Variants in FRYL observed in about 807,000 individuals in gnomAD.
FRYL encodes protein furry homolog-like.
FRYL carries 150 observed loss-of-function variants against 351.2 expected under a neutral mutation model. The ratio of observed to expected loss-of-function variants is 0.43; its 90% CI spans 0.37 to 0.49. The LOEUF is 0.49. Ranked by LOEUF, FRYL falls within the 20% of genes least tolerant of loss-of-function variation. FRYL has a pLI of 0.00. For synonymous variants in FRYL, 1,153 were observed against 1,257.1 expected (o/e 0.92, Z 1.75); for missense variants, 3,036 against 3,619.3 (o/e 0.84, Z 4.13).
At chr4:48,631,171 T>G (rs1274019520) in intron 4 of FRYL, among the ~76,000 whole-genome samples, 1 of 152,098 alleles carries the variant, frequency 6.6e-6, no homozygotes, top group Non-Finnish European at 1.5e-5. Flanking sequence ...GTGTAAGGGG[T>G]AAAATCTGTA....
intron 4 of FRYL, among the ~76,000 whole-genome samples, chr4:48,627,649 AGAAAACAT>A (rs1207165505): frequency 5.3e-5 from 8 of 152,244 alleles, no homozygotes; most frequent in African/African-American, 1.9e-4. Flanking sequence ...ACAGAAAAAC[AGAAAACAT>A]GAAAAGATAT....
rs770285040 is a variant in FRYL at position 48,540,749 on chromosome 4, T to C, written c.5899A>G (p.Ile1967Val). The C allele has an allele frequency of 6.2e-7, 1 of 1,614,044 alleles. No individual in the cohort carries two copies. Among genetic ancestry groups the C allele is most frequent in the Non-Finnish European group, 8.5e-7 (1 of 1,179,932 alleles). ...CTTGCTAAACTACTGCTATGGTTTATCCGTCCATCCATTATATCCAGTGTG... is the reference window on the plus strand; with the variant it reads ...CTTGCTAAACTACTGCTATGGTTTACCCGTCCATCCATTATATCCAGTGTG... ...SNTLDIMDGR[I>V]NHSSSLARTR... The change falls in exon 46 of 64, where the codon ATA becomes GTA. Residue 1967 changes from isoleucine (I) to valine (V), a missense_variant. Transcript: ENST00000358350.
intron 3 of FRYL, among the ~76,000 whole-genome samples, chr4:48,635,300 T>C (rs1754001437): frequency 1.3e-5 from 2 of 152,182 alleles, no homozygotes; most frequent in South Asian, 4.2e-4. Flanking sequence ...GGAGAATGGA[T>C]TGAAAGAGGG....
In FRYL at chr4:48,515,092, A is replaced by T; in HGVS notation, c.7873T>A (p.Leu2625Ile). 1 of 1,613,282 alleles carries T rather than the reference A, an allele frequency of 6.2e-7. No homozygotes were observed. Among genetic ancestry groups the T allele is most frequent in the South Asian group, 1.1e-5 (1 of 91,068 alleles). ...PESVCEEDVTLALKELDERCE... is the reference protein window; with the variant it reads ...PESVCEEDVTIALKELDERCE... ...CTTTCATCTAGCTCTTTCAGAGCTA[A>T]GGTAACATCCTCTTCACAGACTGAC... The change falls in exon 56 of 64, where the codon TTA becomes ATA. Residue 2625 changes from leucine to isoleucine, a missense_variant. Physicochemically the swap from Leu to Ile is conservative, Grantham distance 5. Around this residue, in one of 7 missense-constraint regions of FRYL, gnomAD observed 1,987 missense variants for 2,311.7 expected, o/e 0.86. Coordinates refer to ENST00000358350, the MANE Select transcript of FRYL (RefSeq NM_015030.2).
chr4:48,706,148 T>A lies in FRYL; in HGVS notation c.-204+4371A>T, dbSNP rs552244402. ...GCGCCTGGCCTCACCTCCCTTTTAGTGTAGACTGAATTGAAAGACTTGATT... is the reference window on the plus strand; with the variant it reads ...GCGCCTGGCCTCACCTCCCTTTTAGAGTAGACTGAATTGAAAGACTTGATT... On this transcript the variant is annotated intron_variant, in intron 2 of 63. Coordinates refer to ENST00000358350, the MANE Select transcript of FRYL (RefSeq NM_015030.2). Among the ~76,000 whole-genome samples the A allele has an allele frequency of 6.6e-5, 10 of 152,212 alleles. 1 individual carries two copies. Among genetic ancestry groups the A allele is most frequent in the Non-Finnish European group, 1.0e-4 (7 of 68,040 alleles).
intron 49 of FRYL, among the ~76,000 whole-genome samples, chr4:48,533,641 G>A (rs1426266607): frequency 1.3e-5 from 2 of 152,170 alleles, no homozygotes; most frequent in Non-Finnish European, 2.9e-5. Flanking sequence ...TCTTTGGTGA[G>A]TTGTATCCAT....
chr4:48,605,428 A>G (rs1202990479), intron 11 of FRYL, among the ~76,000 whole-genome samples: 1 of 152,214 alleles, frequency 6.6e-6, no homozygotes, highest in African/African-American at 2.4e-5. Flanking sequence ...ACATTTCTTC[A>G]TTTTTGAGAT....
intron 21 of FRYL, among the ~76,000 whole-genome samples, chr4:48,581,169 G>C (rs908899984): frequency 6.6e-6 from 1 of 151,552 alleles, no homozygotes; most frequent in African/African-American, 2.4e-5. Context: ...AGCCTCCCGA[G>C]TAGCTGGACT....
chr4:48,656,062 T>C (rs552026124), intron 3 of FRYL, among the ~76,000 whole-genome samples: 12 of 137,082 alleles, frequency 8.8e-5, no homozygotes, highest in African/African-American at 2.9e-4. Context: ...CATATAATTA[T>C]ACATTATATA....
At chr4:48,767,158 G>C (rs1457235848) in intron 1 of FRYL, among the ~76,000 whole-genome samples, 3 of 152,026 alleles carry the variant, frequency 2.0e-5, no homozygotes, top group Non-Finnish European at 4.4e-5. Context: ...AAGCTGTACA[G>C]GTTTCTGCTT....
rs1275397583 is a variant in FRYL, at chr4:48,510,702, G to C, written c.8295+133C>G. ...ACCTAATATACTAGAATTGTAGTTT[G>C]CCACATATTTATAATCATGTTGAAA... On this transcript the variant is annotated intron_variant, in intron 58 of 63. Transcript: ENST00000358350. The C allele has an allele frequency of 4.1e-6, 3 of 727,022 alleles. No individual in the cohort carries two copies. In the East Asian group the frequency reaches 7.9e-5, roughly 19 times the overall value. The allele number at this position is 727,022 out of a possible 1,614,324, so 45.0% of individuals were successfully genotyped here.
At position 48,545,391 on chromosome 4, in the gene FRYL, C is replaced by T. The variant is rs368239344; in HGVS notation, c.5280-487G>A. Among the ~76,000 whole-genome samples the T allele has an allele frequency of 1.4e-3, 214 of 152,232 alleles. 1 individual carries two copies. Among genetic ancestry groups the T allele is most frequent in the African/African-American group, 4.6e-3 (190 of 41,530 alleles). On this transcript the variant is annotated intron_variant, in intron 42 of 63. Transcript: ENST00000358350. ...TCTTTATTAACACAGGCCCAAAGTG[C>T]CCTGAGAACCTGCTACGCACTGCTT...
At chr4:48,548,647 A>AT in intron 40 of FRYL, 43 bp downstream of exon 40, 1 of 1,079,184 alleles carries the variant, frequency 9.3e-7, no homozygotes, top group Non-Finnish European at 1.4e-6. Context: ...TTAAATTATC[A>AT]TAAAAATATA....
chr4:48,608,764 G>C (rs151278470), intron 9 of FRYL, among the ~76,000 whole-genome samples: 3 of 152,254 alleles, frequency 2.0e-5, no homozygotes, highest in South Asian at 4.1e-4. Context: ...GTTCGATTCA[G>C]ACATTTATAG....
chr4:48,540,779 T>A lies in FRYL; in HGVS notation c.5869A>T (p.Ser1957Cys). 1 of 1,613,980 alleles carries A rather than the reference T, an allele frequency of 6.2e-7. No homozygotes were observed. The highest frequency in any genetic ancestry group is 8.5e-7 in the Non-Finnish European group (1 of 1,179,928). The change falls in exon 46 of 64, where the codon AGT becomes TGT. Residue 1957 changes from serine to cysteine, a missense_variant. Around this residue, in one of 7 missense-constraint regions of FRYL, gnomAD observed 1,987 missense variants for 2,311.7 expected, o/e 0.86. Transcript: ENST00000358350. ...CCATCCATTATATCCAGTGTGTTAC[T>A]CCGCCGCCGGTCACCTCGTCGGTCA... ...IGDRRGDRRR[S>C]NTLDIMDGRI...
chr4:48,601,930 CAA>C (rs1435118581), intron 13 of FRYL, 88 bp downstream of exon 13: 1 of 694,416 alleles, frequency 1.4e-6, no homozygotes, highest in South Asian at 1.8e-5. Flanking sequence ...CCAATAGTAA[CAA>C]AAGTTTCATT....
At chr4:48,642,515 C>T (rs1191667888) in intron 3 of FRYL, among the ~76,000 whole-genome samples, 1 of 152,058 alleles carries the variant, frequency 6.6e-6, no homozygotes, top group Admixed American at 6.6e-5. Flanking sequence ...TTTCGATGGA[C>T]AGAAAAATTA....
chr4:48,658,948 T>C (rs1391822361), intron 3 of FRYL, among the ~76,000 whole-genome samples: 4 of 152,210 alleles, frequency 2.6e-5, no homozygotes, highest in African/African-American at 9.6e-5. Flanking sequence ...ACCTATAGCA[T>C]TGACTAACTT....
chr4:48,595,735 A>G, intron 14 of FRYL, 37 bp from the exon 15 acceptor site: 1 of 1,382,448 alleles, frequency 7.2e-7, no homozygotes, highest in South Asian at 1.2e-5. Context: ...TGAGATCATA[A>G]CATCAACAGC....
Sources: allele counts gnomAD v4.1 joint callset (sites outside exome capture counted in the v4.1 genomes callset), GRCh38; gene constraint gnomAD v4.1.1; regional missense constraint gnomAD v4.1.1; transcripts MANE v1.5; gene names NCBI Gene and HGNC (gene_info 2026-07-23, HGNC 2026-07-21).